The following ZBTB25 variants were observed in gnomAD, a reference collection of about 807,000 sequenced individuals.
The protein encoded by ZBTB25 is zinc finger and BTB domain-containing protein 25.
Under a neutral mutation model 34.2 loss-of-function variants are expected in ZBTB25, and 20 were observed. That is an observed-to-expected ratio of 0.58 (90% CI 0.41 to 0.85). The LOEUF is 0.85. Ranked by LOEUF, ZBTB25 falls within the 40% of genes least tolerant of loss-of-function variation. The probability of loss-of-function intolerance (pLI) is 0.00; values close to 1 mark genes in which losing one functional copy is unlikely to be tolerated. For missense variants in ZBTB25, 437 were observed against 521.8 expected (o/e 0.84, Z 1.58); for synonymous variants, 175 against 186.4 (o/e 0.94, Z 0.50).
chr14:64,449,847 G>C (rs1240650594), intron 2 of ZBTB25, among the ~76,000 whole-genome samples: 1 of 152,212 alleles, frequency 6.6e-6, no homozygotes, highest in Non-Finnish European at 1.5e-5. Context: ...CGAGTGCAGA[G>C]GCATGATCTC....
At chr14:64,503,311 G>A (rs772119679) in intron 1 of ZBTB25, 5 of 985,450 alleles carry the variant, frequency 5.1e-6, no homozygotes, top group Non-Finnish European at 6.0e-6. Flanking sequence ...CGCTACCCGA[G>A]GGAGGCCGCA....
At position 64,486,010 on chromosome 14, in the gene ZBTB25, T is replaced by C. The variant is rs2078854089; in HGVS notation, c.*913A>G. 1 of 984,620 alleles carries C rather than the reference T, an allele frequency of 1.0e-6. No homozygotes were observed. Among genetic ancestry groups the C allele is most frequent in the Non-Finnish European group, 1.2e-6 (1 of 829,230 alleles). The allele number at this position is 984,620 out of a possible 1,614,324, so 61.0% of individuals were successfully genotyped here. On this transcript the variant is annotated 3_prime_UTR_variant, in exon 3 of 3. Transcript: ENST00000608382. ...CTCTGACTCTTCTCCCTTTAACTGTTTTTTTTATTAAAAATGAGATATACC... is the reference window on the plus strand; with the variant it reads ...CTCTGACTCTTCTCCCTTTAACTGTCTTTTTTATTAAAAATGAGATATACC...
In ZBTB25 at chr14:64,456,077, G is replaced by A. The variant is rs113202448; in HGVS notation, c.174-6439C>T. 1.1e-3 allele frequency among the ~76,000 whole-genome samples: 168 copies of A among 152,324 alleles called. 2 individuals are homozygous for A. The highest frequency in any genetic ancestry group is 3.9e-3 in the African/African-American group (161 of 41,570). ...GTCAGCAGCTACCAGCTGAAAGACG[G>A]GTAGCTGTACTCTTTCTTGTCACTT... On this transcript the variant is annotated intron_variant, in intron 2 of 2. Coordinates refer to the ZBTB25 transcript ENST00000555220.
intron 2 of ZBTB25, chr14:64,468,661 G>A: frequency 6.2e-7 from 1 of 1,614,006 alleles, no homozygotes; most frequent in Non-Finnish European, 8.5e-7. Flanking sequence ...TAACACGCAG[G>A]AAAAGGTCAG....
chr14:64,498,899 G>A lies in ZBTB25; in HGVS notation c.-8+4762C>T, dbSNP rs530834424. Among the ~76,000 whole-genome samples the A allele has an allele frequency of 3.4e-4, 52 of 152,228 alleles. No individual in the cohort carries two copies. In the South Asian group the frequency reaches 0.011, roughly 31 times the overall value. On this transcript the variant is annotated intron_variant, in intron 1 of 2. Coordinates refer to ENST00000608382, the MANE Select transcript of ZBTB25 (RefSeq NM_006977.5). ...TCCACCCGCCTCGGCCTCCCAAAGT[G>A]CTGTGATTACAGGCGTGAGCCACCG...
chr14:64,499,059 G>A (rs2079395377), intron 1 of ZBTB25, among the ~76,000 whole-genome samples: 1 of 152,110 alleles, frequency 6.6e-6, no homozygotes, highest in Non-Finnish European at 1.5e-5. Flanking sequence ...CAATTACATT[G>A]ATATTTAAGA....
intron 2 of ZBTB25, among the ~76,000 whole-genome samples, chr14:64,451,281 C>G (rs1037482637): frequency 1.3e-5 from 2 of 152,140 alleles, no homozygotes; most frequent in African/African-American, 2.4e-5. Context: ...CTCAGCCTCC[C>G]AAAGTGCTGG....
At chr14:64,450,451 T>G (rs2078352660) in intron 2 of ZBTB25, among the ~76,000 whole-genome samples, 1 of 152,186 alleles carries the variant, frequency 6.6e-6, no homozygotes, top group South Asian at 2.1e-4. Context: ...TCATCATTTT[T>G]TCCATCACTA....
At chr14:64,469,701 GA>G in intron 2 of ZBTB25, 1 of 1,477,194 alleles carries the variant, frequency 6.8e-7, no homozygotes, top group Non-Finnish European at 9.1e-7. Context: ...AGTCACGGCA[GA>G]AAAAACAAGC....
At chr14:64,490,689 A>G in intron 1 of ZBTB25, 149 bp from the exon 2 acceptor site, 2 of 754,550 alleles carry the variant, frequency 2.7e-6, no homozygotes, top group Middle Eastern at 3.6e-4. Flanking sequence ...TTTCAATCCT[A>G]TTACTTTCAC....
chr14:64,464,793 T>A (rs1166827191), intron 2 of ZBTB25, among the ~76,000 whole-genome samples: 1 of 152,200 alleles, frequency 6.6e-6, no homozygotes, highest in African/African-American at 2.4e-5. Flanking sequence ...TTTTTGGAAC[T>A]ATGTAAGGTA....
Position 64,487,217 on chromosome 14 carries a change from G to A in ZBTB25, c.1014C>T (p.Asn338=). The A allele has an allele frequency of 6.2e-7, 1 of 1,614,154 alleles. No individual in the cohort carries two copies. The highest frequency in any genetic ancestry group is 8.5e-7 in the Non-Finnish European group (1 of 1,180,038). The stretch of plus-strand genomic sequence containing the variant: ...TTTTCCTTGAAAAAGAAAAATTACA[G>A]TTTAATTCTACTGGCTCTGTGTCTT... ...ISKDTEPVEL[N]CNFSFSRKRK... is the part of the protein sequence containing the mutation. The change falls in exon 3 of 3, where the codon AAC becomes AAT. Residue 338 remains asparagine, a synonymous_variant. Transcript: ENST00000608382.
chr14:64,478,627 A>C lies in ZBTB25; in HGVS notation c.*8296T>G, dbSNP rs938365050. 7 of 152,238 alleles carry C rather than the reference A, an allele frequency of 4.6e-5. No individual in the cohort carries two copies. The highest frequency in any genetic ancestry group is 7.3e-5 in the Non-Finnish European group (5 of 68,032). The allele number at this position is 152,238 out of a possible 1,614,324, so 9.4% of individuals were successfully genotyped here. A position where few individuals can be genotyped will look rare whatever the true frequency, so the allele number is the denominator to read the frequency against. On this transcript the variant is annotated 3_prime_UTR_variant, in exon 3 of 3. Transcript: ENST00000608382. The stretch of plus-strand genomic sequence containing the variant: ...TCTTCAGAAATGCTCAATGTAGCAC[A>C]ATAATGTGATATTTTAAAAAGTTAT...
chr14:64,492,935 C>T lies in ZBTB25; in HGVS notation c.-7-2395G>A, dbSNP rs79542350. ...CCATAATTATAATATGAAATAAATG[C>T]ATTCAGTAGCACAGAGCAGTTAGAG... On this transcript the variant is annotated intron_variant, in intron 1 of 2. Transcript: ENST00000608382. Among the ~76,000 whole-genome samples, 1,400 of 152,132 alleles carry T rather than the reference C, an allele frequency of 9.2e-3. 10 individuals are homozygous for T. Among genetic ancestry groups the T allele is most frequent in the Non-Finnish European group, 0.013 (875 of 68,006 alleles).
chr14:64,496,380 G>A (rs548865778), intron 1 of ZBTB25, among the ~76,000 whole-genome samples: 10 of 152,242 alleles, frequency 6.6e-5, no homozygotes, highest in African/African-American at 2.2e-4. Flanking sequence ...AGCTACTCGG[G>A]AGGCTGAGGC....
downstream of ZBTB25, among the ~76,000 whole-genome samples, chr14:64,475,206 G>A (rs1204604893): frequency 5.9e-5 from 9 of 152,116 alleles, no homozygotes; most frequent in South Asian, 2.1e-4. Context: ...TTGGGAGGCC[G>A]AGGCGGGCGG....
At chr14:64,489,264 C>T (rs182304445) in intron 2 of ZBTB25, among the ~76,000 whole-genome samples, 4 of 149,912 alleles carry the variant, frequency 2.7e-5, no homozygotes, top group Non-Finnish European at 4.4e-5. Context: ...AGCTAGACTC[C>T]GTCTCAAAAA....
In ZBTB25 at chr14:64,487,603, G is replaced by C; in HGVS notation, c.628C>G (p.Pro210Ala). Reference protein sequence around the residue: ...PVSIKQERCDPESVISQSHPS... With the variant: ...PVSIKQERCDAESVISQSHPS... ...TGGCTCTGGGAGATCACAGATTCTG[G>C]GTCACATCTCTCCTGCTTGATGGAA... The change falls in exon 3 of 3, where the codon CCA (proline) becomes GCA (alanine). Residue 210 changes from proline (P) to alanine (A), a missense_variant. Physicochemically the swap from Pro to Ala is conservative, Grantham distance 27. Coordinates refer to ENST00000608382, the MANE Select transcript of ZBTB25 (RefSeq NM_006977.5). 1 of 1,606,662 alleles carries C rather than the reference G, an allele frequency of 6.2e-7. No individual in the cohort carries two copies. Among genetic ancestry groups the C allele is most frequent in the Non-Finnish European group, 8.5e-7 (1 of 1,175,716 alleles).
intron 2 of ZBTB25, among the ~76,000 whole-genome samples, chr14:64,450,272 G>C (rs1003034011): frequency 3.9e-5 from 6 of 152,328 alleles, no homozygotes; most frequent in Admixed American, 3.9e-4. Flanking sequence ...TTTAAAACAA[G>C]GCACCAACCA....
Sources: gnomAD v4.1 joint callset for allele counts (sites outside exome capture counted in the v4.1 genomes callset) on GRCh38, gnomAD v4.1.1 for gene constraint, MANE v1.5 for transcripts, NCBI Gene and HGNC (gene_info 2026-07-23, HGNC 2026-07-21) for gene names.